ARFGEF2: variants seen among roughly 807,000 people sequenced by gnomAD.
The protein encoded by ARFGEF2 is brefeldin A-inhibited guanine nucleotide-exchange protein 2.
ARFGEF2 carries 74 observed loss-of-function variants against 219.9 expected under a neutral mutation model. The ratio of observed to expected loss-of-function variants is 0.34; its 90% CI spans 0.28 to 0.41. The LOEUF is 0.41. Ranked by LOEUF, ARFGEF2 falls within the 10% of genes least tolerant of loss-of-function variation. ARFGEF2 has a pLI of 1.00. For missense variants in ARFGEF2, 1,743 were observed against 2,218.3 expected (o/e 0.79, Z 4.30); for synonymous variants, 733 against 799.2 (o/e 0.92, Z 1.40).
chr20:48,936,668 G>A (rs1268974818), intron 1 of ARFGEF2, among the ~76,000 whole-genome samples: 1 of 152,180 alleles, frequency 6.6e-6, no homozygotes, highest in African/African-American at 2.4e-5. Flanking sequence ...GGGACTACAG[G>A]CGTGCACCAC....
At chr20:49,023,283 T>C in intron 35 of ARFGEF2, 102 bp downstream of exon 35, 1 of 1,469,740 alleles carries the variant, frequency 6.8e-7, no homozygotes, top group Non-Finnish European at 9.3e-7. Context: ...CCAGAGCCTG[T>C]CATGCTCATC....
chr20:49,009,029 T>C (rs1483551532), intron 26 of ARFGEF2, among the ~76,000 whole-genome samples: 2 of 152,184 alleles, frequency 1.3e-5, no homozygotes, highest in East Asian at 3.8e-4. Flanking sequence ...TATCATACTT[T>C]TTCTGTATTT....
chr20:48,999,484 C>T (rs1347157694), intron 25 of ARFGEF2, among the ~76,000 whole-genome samples: 3 of 152,148 alleles, frequency 2.0e-5, no homozygotes, highest in African/African-American at 7.2e-5. Flanking sequence ...CGTCATGGCT[C>T]ACGCCTGTAA....
chr20:48,931,672 G>A (rs1268350213), intron 1 of ARFGEF2, among the ~76,000 whole-genome samples: 3 of 150,970 alleles, frequency 2.0e-5, no homozygotes, highest in African/African-American at 4.9e-5. Flanking sequence ...GAGATATCTG[G>A]GGGGAGGGAG....
In ARFGEF2 at chr20:48,985,442, G is replaced by C; in HGVS notation, c.2105G>C (p.Arg702Thr). The change falls in exon 16 of 39, where the codon AGG becomes ACG. Residue 702 changes from arginine (R) to threonine (T), a missense_variant. Physicochemically the swap from Arg to Thr is moderately conservative, Grantham distance 71. Transcript: ENST00000371917. ...QVGDFLGDSA[R>T]FNKEVMYAYV... ...GGCGATTTTCTGGGAGATAGCGCAA[G>C]GTTCAACAAGGAGGTGATGTATGCC... is the stretch of plus-strand genomic sequence containing the variant. 1 of 1,614,186 alleles carries C rather than the reference G, an allele frequency of 6.2e-7. No homozygotes were observed. Among genetic ancestry groups the C allele is most frequent in the Middle Eastern group, 1.6e-4 (1 of 6,062 alleles).
chr20:48,926,057 A>G (rs2090875056), intron 1 of ARFGEF2, among the ~76,000 whole-genome samples: 1 of 152,220 alleles, frequency 6.6e-6, no homozygotes, highest in Non-Finnish European at 1.5e-5. Flanking sequence ...TCTCACTATT[A>G]TCATCATTCC....
Position 48,989,390 on chromosome 20 carries a change from C to G in ARFGEF2, c.2639C>G (p.Pro880Arg). 6.2e-7 allele frequency: 1 copy of G among 1,614,216 alleles called. No homozygotes were observed. The highest frequency in any genetic ancestry group is 8.5e-7 in the Non-Finnish European group (1 of 1,180,040). The change falls in exon 19 of 39, where the codon CCG becomes CGG. Residue 880 changes from proline to arginine, a missense_variant. By Grantham distance (103) the Pro-to-Arg change is moderately radical. Around this residue, in one of 5 missense-constraint regions of ARFGEF2, gnomAD observed 666 missense variants for 955.4 expected, o/e 0.70. Transcript: ENST00000371917. ...LMEAVSHAKA[P>R]FTSATHLDHV... ...GAGGCTGTGAGCCATGCCAAAGCCC[C>G]GTTTACCAGTGCCACTCACCTGGAC... is the stretch of plus-strand genomic sequence containing the variant.
At chr20:49,016,516 A>C in intron 31 of ARFGEF2, 101 bp downstream of exon 31, 1 of 1,328,576 alleles carries the variant, frequency 7.5e-7, no homozygotes. Context: ...CATGGAGTAC[A>C]ATATATAATT....
intron 11 of ARFGEF2, 135 bp downstream of exon 11, chr20:48,972,560 G>A: frequency 1.3e-6 from 1 of 755,318 alleles, no homozygotes; most frequent in Admixed American, 2.1e-5. Context: ...ACCTAGTCCT[G>A]CCCCACCTCT....
chr20:48,945,443 T>A (rs2091019617), intron 3 of ARFGEF2, among the ~76,000 whole-genome samples: 2 of 152,184 alleles, frequency 1.3e-5, no homozygotes, highest in Non-Finnish European at 2.9e-5. Context: ...GCCTGTTTAG[T>A]AACAGAAATC....
At chr20:48,924,660 G>C (rs2090865425) in intron 1 of ARFGEF2, among the ~76,000 whole-genome samples, 2 of 152,116 alleles carry the variant, frequency 1.3e-5, no homozygotes, top group South Asian at 4.1e-4. Context: ...TTGGATGATA[G>C]AGAGCATTTA....
chr20:48,975,260 G>C (rs1178753014), intron 13 of ARFGEF2, among the ~76,000 whole-genome samples: 1 of 152,096 alleles, frequency 6.6e-6, no homozygotes. Context: ...ATAGCTCACT[G>C]CAGCCTTAAA....
At chr20:48,935,974 C>T (rs566685722) in intron 1 of ARFGEF2, among the ~76,000 whole-genome samples, 82 of 121,106 alleles carry the variant, frequency 6.8e-4, no homozygotes, top group South Asian at 1.1e-3. Context: ...CCCTCCCGGA[C>T]GGGGCGGCTG....
At chr20:49,004,817 A>G (rs2091447860) in intron 25 of ARFGEF2, among the ~76,000 whole-genome samples, 1 of 152,152 alleles carries the variant, frequency 6.6e-6, no homozygotes, top group Admixed American at 6.6e-5. Flanking sequence ...TAATAATAAA[A>G]TGAAATTTAA....
rs573508007 is a variant in ARFGEF2 at position 48,984,042 on chromosome 20, TAAA to T, written c.1959-675_1959-673del. On this transcript the variant is annotated intron_variant, in intron 14 of 38. Transcript: ENST00000371917. ...GTCAACACAGTGAGACCCTGTCTCT[TAAA>T]AAAAAAAAAAAGTAGAGAAAGAAAA... Among the ~76,000 whole-genome samples, 543 of 140,566 alleles carry T rather than the reference TAAA, an allele frequency of 3.9e-3. 3 individuals are homozygous for T. Among genetic ancestry groups the T allele is most frequent in the African/African-American group, 0.014 (524 of 38,360 alleles). 92.2% of individuals were successfully genotyped at this position (140,566 alleles called of 152,430 possible). A position where few individuals can be genotyped will look rare whatever the true frequency, so the allele number is the denominator to read the frequency against.
chr20:49,008,109 A>G (rs1226724767), intron 26 of ARFGEF2, among the ~76,000 whole-genome samples: 1 of 152,204 alleles, frequency 6.6e-6, no homozygotes, highest in Non-Finnish European at 1.5e-5. Context: ...GTAATTCCAC[A>G]CTTCTGTAAT....
chr20:49,023,092 C>T lies in ARFGEF2; in HGVS notation c.4666C>T (p.Gln1556Ter). The change falls in exon 35 of 39, where the codon CAG (glutamine) becomes TAG (stop). Residue 1556 changes from glutamine (Q) to a stop codon, truncating the protein, a stop_gained. Coordinates refer to ENST00000371917, the MANE Select transcript of ARFGEF2 (RefSeq NM_006420.3). LOFTEE classifies it high-confidence loss of function. Reference sequence around the variant, plus strand: ...CAGCCTCCTCATCAAGTGTGTGGTCCAGTTGGAATTGATACAGACCATTGA... The same window carrying T: ...CAGCCTCCTCATCAAGTGTGTGGTCTAGTTGGAATTGATACAGACCATTGA... ...FASLLIKCVV[Q>*]LELIQTIDNI... 1 of 1,614,102 alleles carries T rather than the reference C, an allele frequency of 6.2e-7. No individual in the cohort carries two copies. Among genetic ancestry groups the T allele is most frequent in the Non-Finnish European group, 8.5e-7 (1 of 1,180,012 alleles).
chr20:48,928,541 C>G (rs2090893236), intron 1 of ARFGEF2, among the ~76,000 whole-genome samples: 1 of 145,186 alleles, frequency 6.9e-6, no homozygotes, highest in Non-Finnish European at 1.5e-5. Context: ...GTCGCCCAGG[C>G]TGGAGTGCAG....
intron 23 of ARFGEF2, among the ~76,000 whole-genome samples, chr20:48,997,541 G>A (rs542402827): frequency 1.3e-5 from 2 of 152,268 alleles, no homozygotes; most frequent in East Asian, 3.9e-4. Context: ...TCAAAGTGCT[G>A]GGATTGCAGG....
Sources: gnomAD v4.1 joint callset for allele counts (sites outside exome capture counted in the v4.1 genomes callset) on GRCh38, gnomAD v4.1.1 for gene constraint, gnomAD v4.1.1 regional missense constraint, MANE v1.5 for transcripts, NCBI Gene and HGNC (gene_info 2026-07-23, HGNC 2026-07-21) for gene names.